Variants in CFAP61 observed in about 807,000 individuals in gnomAD.
CFAP61 encodes cilia and flagella associated protein 61, also known as cilia- and flagella-associated protein 61.
Under a neutral mutation model 135.6 loss-of-function variants are expected in CFAP61, and 107 were observed. The ratio of observed to expected loss-of-function variants is 0.79; its 90% confidence interval spans 0.67 to 0.93. The LOEUF is 0.93. Ranked by LOEUF, CFAP61 falls within the 40% of genes least tolerant of loss-of-function variation. CFAP61 has a pLI of 0.00. For missense variants in CFAP61, 1,507 were observed against 1,556.2 expected (o/e 0.97, Z 0.53); for synonymous variants, 575 against 578.5 (o/e 0.99, Z 0.09).
chr20:20,246,465 G>A (rs927639976), intron 19 of CFAP61, among the ~76,000 whole-genome samples: 1 of 152,332 alleles, frequency 6.6e-6, no homozygotes. Flanking sequence ...AATTGGGGTG[G>A]AGCCTACGGA....
At chr20:20,261,682 G>T (rs1220148252) in intron 20 of CFAP61, among the ~76,000 whole-genome samples, 1 of 152,054 alleles carries the variant, frequency 6.6e-6, no homozygotes. Context: ...AAAAAATCAG[G>T]AGTCTACATG....
At chr20:20,141,430 G>A (rs796813487) in intron 8 of CFAP61, among the ~76,000 whole-genome samples, 27 of 152,294 alleles carry the variant, frequency 1.8e-4, no homozygotes, top group African/African-American at 6.5e-4. Context: ...TCGGGAGCTA[G>A]AGATATGACA....
intron 19 of CFAP61, among the ~76,000 whole-genome samples, chr20:20,248,408 A>G (rs757334905): frequency 5.3e-5 from 8 of 152,212 alleles, no homozygotes; most frequent in Non-Finnish European, 1.0e-4. Context: ...CCTGATTCCA[A>G]ATACTAATTT....
At chr20:20,167,280 T>A (rs572920740) in intron 12 of CFAP61, among the ~76,000 whole-genome samples, 1 of 152,310 alleles carries the variant, frequency 6.6e-6, no homozygotes, top group East Asian at 1.9e-4. Flanking sequence ...TTTGTTATTA[T>A]AATGAAGCTT....
Position 20,199,836 on chromosome 20 carries a change from A to G in CFAP61, c.1866A>G (p.Arg622=). The change falls in exon 17 of 27, where the codon CGA becomes CGG. Residue 622 remains arginine, a synonymous_variant. Transcript: ENST00000245957. Reference sequence around the variant, plus strand: ...ACTTGGTTCCCGTGCGACCACGACGACAGATTGTCTATCCTCTGGAAAAGC... The same window carrying G: ...ACTTGGTTCCCGTGCGACCACGACGGCAGATTGTCTATCCTCTGGAAAAGC... ...LHYLVPVRPR[R]QIVYPLEKLG... is the part of the protein sequence containing the mutation. The G allele has an allele frequency of 6.2e-7, 1 of 1,614,156 alleles. No individual in the cohort carries two copies. Among genetic ancestry groups the G allele is most frequent in the Non-Finnish European group, 8.5e-7 (1 of 1,180,024 alleles).
chr20:20,091,964 G>A (rs149044827), intron 7 of CFAP61, among the ~76,000 whole-genome samples: 1 of 152,328 alleles, frequency 6.6e-6, no homozygotes, highest in East Asian at 1.9e-4. Context: ...TTACAGGCGT[G>A]AGCCACCGTG....
At chr20:20,068,574 G>A (rs2045479759) in intron 2 of CFAP61, among the ~76,000 whole-genome samples, 1 of 152,164 alleles carries the variant, frequency 6.6e-6, no homozygotes. Context: ...GTGATCATAT[G>A]TGGCTGCTGT....
At chr20:20,278,165 G>A (rs901322437) in intron 22 of CFAP61, among the ~76,000 whole-genome samples, 2 of 152,210 alleles carry the variant, frequency 1.3e-5, no homozygotes, top group African/African-American at 4.8e-5. Context: ...CATCAGGACA[G>A]CTCTGTAAAG....
chr20:20,075,286 C>T (rs767240704), intron 5 of CFAP61, 30 bp downstream of exon 5: 24 of 1,604,932 alleles, frequency 1.5e-5, no homozygotes, highest in East Asian at 8.9e-5. Flanking sequence ...CTCTGGTCCC[C>T]GGTAGCAAAC....
intron 17 of CFAP61, among the ~76,000 whole-genome samples, chr20:20,211,609 G>C (rs1299528453): frequency 6.6e-6 from 1 of 152,180 alleles, no homozygotes; most frequent in Admixed American, 6.5e-5. Context: ...CAGCTACAGT[G>C]CAGGCAGGCA....
chr20:20,207,406 C>T (rs2056904416), intron 17 of CFAP61, among the ~76,000 whole-genome samples: 1 of 152,222 alleles, frequency 6.6e-6, no homozygotes, highest in Non-Finnish European at 1.5e-5. Context: ...ATTCTCCTCC[C>T]TGCAGAGCCA....
chr20:20,126,253 G>A (rs949321893), intron 8 of CFAP61, among the ~76,000 whole-genome samples: 3 of 151,732 alleles, frequency 2.0e-5, no homozygotes, highest in Non-Finnish European at 2.9e-5. Context: ...AATGTTATTT[G>A]TTGTCTGTGT....
Position 20,223,266 on chromosome 20 carries a change from G to A in CFAP61, c.1933-4983G>A, listed in dbSNP as rs577366548. ...TGTTTGCCTGCTGAGGAAAGCAGAG[G>A]TTCATGTAATTTACTACCATTTTAT... On this transcript the variant is annotated intron_variant, in intron 17 of 26. Coordinates refer to ENST00000245957, the MANE Select transcript of CFAP61 (RefSeq NM_015585.4). 2.6e-5 allele frequency among the ~76,000 whole-genome samples: 4 copies of A among 152,248 alleles called. No homozygotes were observed. The South Asian group carries it at 8.3e-4, about 32-fold the overall frequency.
At chr20:20,341,667 C>A (rs2058448750) in intron 25 of CFAP61, among the ~76,000 whole-genome samples, 164 bp from the exon 26 acceptor site, 1 of 152,144 alleles carries the variant, frequency 6.6e-6, no homozygotes, top group South Asian at 2.1e-4. Flanking sequence ...CAGGAACATC[C>A]ATTTAAAAAA....
chr20:20,108,660 CT>C (rs1365747688), intron 8 of CFAP61, among the ~76,000 whole-genome samples: 1 of 152,142 alleles, frequency 6.6e-6, no homozygotes, highest in Non-Finnish European at 1.5e-5. Flanking sequence ...TAGAGCAACG[CT>C]TTTATTTCCT....
At position 20,305,885 on chromosome 20, in the gene CFAP61, A is replaced by AC. The variant is rs547145525; in HGVS notation, c.3422+7501dup. 1.2e-3 allele frequency among the ~76,000 whole-genome samples: 178 copies of AC among 152,260 alleles called. 3 individuals are homozygous for AC. The South Asian group carries it at 0.026, about 23-fold the overall frequency. On this transcript the variant is annotated intron_variant, in intron 25 of 26. Coordinates refer to ENST00000245957, the MANE Select transcript of CFAP61 (RefSeq NM_015585.4). ...TTCTTACTCCAACAGGCAGATCCTT[A>AC]CCTAGAGATGTTTCTGCTACTATTC...
intron 21 of CFAP61, among the ~76,000 whole-genome samples, chr20:20,270,844 G>T (rs2053286916): frequency 6.6e-6 from 1 of 152,064 alleles, no homozygotes; most frequent in Non-Finnish European, 1.5e-5. Flanking sequence ...TAATTTTTGT[G>T]TGTTTTTAGT....
intron 7 of CFAP61, 72 bp downstream of exon 7, chr20:20,091,048 T>C: frequency 2.6e-6 from 4 of 1,547,828 alleles, no homozygotes; most frequent in South Asian, 2.3e-5. Flanking sequence ...TGCTCTTGCG[T>C]TGCTGGGCAC....
At chr20:20,235,684 T>G (rs1056951223) in intron 18 of CFAP61, among the ~76,000 whole-genome samples, 2 of 152,188 alleles carry the variant, frequency 1.3e-5, no homozygotes, top group Non-Finnish European at 2.9e-5. Flanking sequence ...TTCTTTTATC[T>G]TGGCGCACAT....
Sources: gnomAD v4.1 joint callset for allele counts (sites outside exome capture counted in the v4.1 genomes callset) on GRCh38, gnomAD v4.1.1 for gene constraint, MANE v1.5 for transcripts, NCBI Gene and HGNC (gene_info 2026-07-23, HGNC 2026-07-21) for gene names.